The following GPC5 variants were observed in gnomAD, a reference collection of about 807,000 sequenced individuals.
GPC5 encodes the protein glypican 5.
Under a neutral mutation model 53.9 loss-of-function variants are expected in GPC5, and 47 were observed. The observed-to-expected ratio is 0.87, with a 90% CI of 0.69 to 1.11. The LOEUF is 1.11. Ranked by LOEUF, GPC5 falls within the 50% of genes most tolerant of loss-of-function variation. The pLI is 0.00. For synonymous variants in GPC5, 286 were observed against 263.3 expected (o/e 1.09, Z -0.84); for missense variants, 748 against 713.1 (o/e 1.05, Z -0.56).
rs545236298 is a variant in GPC5 at position 92,622,053 on chromosome 13, A to G, written c.1562-244229A>G. On this transcript the variant is annotated intron_variant, in intron 7 of 7. Coordinates refer to ENST00000377067, the MANE Select transcript of GPC5 (RefSeq NM_004466.6). ...CATTCCCCCTCCATGTCCATTCTCTATCTGGTTCCAACCCTTCCTGTTTGC... is the reference window on the plus strand; with the variant it reads ...CATTCCCCCTCCATGTCCATTCTCTGTCTGGTTCCAACCCTTCCTGTTTGC... Among the ~76,000 whole-genome samples the G allele has an allele frequency of 1.2e-4, 18 of 152,182 alleles. No individual in the cohort carries two copies. In the East Asian group the frequency reaches 1.5e-3, roughly 13 times the overall value.
chr13:92,497,124 C>G (rs1292774358), intron 7 of GPC5, among the ~76,000 whole-genome samples: 4 of 152,126 alleles, frequency 2.6e-5, no homozygotes, highest in African/African-American at 9.7e-5. Context: ...TCCCATTTGT[C>G]AATTTTCGCT....
chr13:91,519,374 T>C (rs960312644), intron 2 of GPC5, among the ~76,000 whole-genome samples: 1 of 152,042 alleles, frequency 6.6e-6, no homozygotes, highest in Non-Finnish European at 1.5e-5. Context: ...CCAAATTTCA[T>C]GTTGAATTAT....
At chr13:91,884,251 A>G (rs143135487) in intron 5 of GPC5, among the ~76,000 whole-genome samples, 1,868 of 152,312 alleles carry the variant, frequency 0.012, 12 homozygotes, top group Middle Eastern at 0.027. Flanking sequence ...TACTGGGTAT[A>G]TATACTCAAA....
intron 2 of GPC5, among the ~76,000 whole-genome samples, chr13:91,502,213 G>T (rs1003664864): frequency 6.7e-6 from 1 of 150,326 alleles, no homozygotes; most frequent in Non-Finnish European, 1.5e-5. Context: ...CACTCTGATG[G>T]TAGTTTCTTT....
In GPC5 at chr13:91,413,117, C is replaced by CA. The variant is rs575497305; in HGVS notation, c.163+13914dup. On this transcript the variant is annotated intron_variant, in intron 1 of 7. Transcript: ENST00000377067. ...GGCAAATAGGGAGACTCCATCTCTA[C>CA]AAAAAATTAAAAAATCAACCAGGTG... 4.4e-3 allele frequency among the ~76,000 whole-genome samples: 664 copies of CA among 152,150 alleles called. 3 individuals carry two copies. The highest frequency in any genetic ancestry group is 0.015 in the African/African-American group (621 of 41,522).
intron 6 of GPC5, among the ~76,000 whole-genome samples, chr13:91,964,151 C>T (rs1305549346): frequency 6.6e-6 from 1 of 152,176 alleles, no homozygotes; most frequent in Non-Finnish European, 1.5e-5. Context: ...TTCATGGTCT[C>T]ACTGACTTCA....
At chr13:92,197,291 G>C (rs1272554477) in intron 7 of GPC5, among the ~76,000 whole-genome samples, 1 of 152,034 alleles carries the variant, frequency 6.6e-6, no homozygotes, top group East Asian at 1.9e-4. Context: ...GATAGATACA[G>C]ATATAAATAA....
chr13:91,845,723 G>A (rs1279543837), intron 5 of GPC5, among the ~76,000 whole-genome samples: 1 of 152,134 alleles, frequency 6.6e-6, no homozygotes, highest in Non-Finnish European at 1.5e-5. Context: ...ATATTAAATA[G>A]TATTACCGTG....
intron 7 of GPC5, among the ~76,000 whole-genome samples, chr13:92,827,446 A>C (rs1439379820): frequency 6.6e-6 from 1 of 152,150 alleles, no homozygotes; most frequent in Non-Finnish European, 1.5e-5. Context: ...AAAATCTTAC[A>C]ACCTTCCAAC....
chr13:92,606,138 G>A (rs1884249797), intron 7 of GPC5, among the ~76,000 whole-genome samples: 3 of 151,882 alleles, frequency 2.0e-5, no homozygotes, highest in African/African-American at 7.3e-5. Flanking sequence ...TACACAACGT[G>A]CAGGTTTGTT....
intron 7 of GPC5, among the ~76,000 whole-genome samples, chr13:92,519,219 T>G (rs1880925071): frequency 6.6e-6 from 1 of 152,092 alleles, no homozygotes; most frequent in Admixed American, 6.6e-5. Context: ...GACAGATCAA[T>G]GAGACAGAAA....
intron 2 of GPC5, among the ~76,000 whole-genome samples, chr13:91,503,780 A>AAAT (rs74995934): frequency 0.21 from 27,814 of 132,564 alleles, 2,912 homozygotes; most frequent in South Asian, 0.3. Context: ...CTCTGTCTCA[A>AAAT]AATAATAATA....
rs547683607 is a variant in GPC5 at position 92,010,768 on chromosome 13, C to G, written c.1401+102711C>G. ...AAGGACACAGCAAGAAAGTAGGCATCTACAAGCCAGGAAGGGAGGCCACAC... is the reference window on the plus strand; with the variant it reads ...AAGGACACAGCAAGAAAGTAGGCATGTACAAGCCAGGAAGGGAGGCCACAC... On this transcript the variant is annotated intron_variant, in intron 6 of 7. Transcript: ENST00000377067. Among the ~76,000 whole-genome samples the G allele has an allele frequency of 9.0e-4, 137 of 152,240 alleles. 1 individual carries two copies. The Middle Eastern group carries it at 0.034, about 38-fold the overall frequency.
chr13:92,711,557 C>A (rs1888141210), intron 7 of GPC5, among the ~76,000 whole-genome samples: 1 of 151,994 alleles, frequency 6.6e-6, no homozygotes, highest in African/African-American at 2.4e-5. Flanking sequence ...GAAAGAAAAT[C>A]AAGGTTACAG....
intron 7 of GPC5, among the ~76,000 whole-genome samples, chr13:92,414,189 T>C (rs958096028): frequency 1.3e-4 from 20 of 152,156 alleles, no homozygotes; most frequent in African/African-American, 3.9e-4. Context: ...GATAGCAAAC[T>C]CCTTATTTCA....
intron 7 of GPC5, among the ~76,000 whole-genome samples, chr13:92,663,413 C>A (rs561107681): frequency 6.6e-6 from 1 of 151,150 alleles, no homozygotes; most frequent in South Asian, 2.1e-4. Context: ...CTCTGAGTGT[C>A]GTAAAAAGAG....
intron 6 of GPC5, among the ~76,000 whole-genome samples, chr13:92,006,918 ATGT>A (rs559073904): frequency 6.2e-4 from 94 of 150,518 alleles, no homozygotes; most frequent in African/African-American, 2.1e-3. Flanking sequence ...CATTTTTGTA[ATGT>A]TGTAGCATAC....
chr13:92,576,426 C>T (rs1046434322), intron 7 of GPC5, among the ~76,000 whole-genome samples: 2 of 151,118 alleles, frequency 1.3e-5, no homozygotes, highest in African/African-American at 4.9e-5. Flanking sequence ...AATTTTTGTA[C>T]CTTGACACTG....
chr13:91,599,392 A>G (rs929437547), intron 2 of GPC5, among the ~76,000 whole-genome samples: 1 of 152,150 alleles, frequency 6.6e-6, no homozygotes, highest in African/African-American at 2.4e-5. Context: ...CTTATCATAA[A>G]TCAAGCCTGA....
Sources: gnomAD v4.1 joint callset for allele counts (sites outside exome capture counted in the v4.1 genomes callset) on GRCh38, gnomAD v4.1.1 for gene constraint, MANE v1.5 for transcripts, NCBI Gene and HGNC (gene_info 2026-07-23, HGNC 2026-07-21) for gene names.